Variants in OXCT1 observed in about 807,000 individuals in gnomAD.
OXCT1 encodes succinyl-CoA:3-ketoacid coenzyme A transferase 1, mitochondrial.
OXCT1 carries 27 observed loss-of-function variants against 69.6 expected under a neutral mutation model. The ratio of observed to expected loss-of-function variants is 0.39; its 90% CI spans 0.29 to 0.54. The LOEUF (loss-of-function observed/expected upper bound fraction) is 0.54. Ranked by LOEUF, OXCT1 falls within the 20% of genes least tolerant of loss-of-function variation. The pLI is 0.72. For synonymous variants in OXCT1, 202 were observed against 217.8 expected (o/e 0.93, Z 0.64); for missense variants, 437 against 650.2 (o/e 0.67, Z 3.57).
chr5:41,816,397 A>G (rs1197470066), intron 7 of OXCT1, among the ~76,000 whole-genome samples: 1 of 152,328 alleles, frequency 6.6e-6, no homozygotes, highest in Admixed American at 6.5e-5. Context: ...TCACATTTCA[A>G]CTATGACTTT....
At chr5:41,859,120 T>C (rs1297449602) in intron 3 of OXCT1, among the ~76,000 whole-genome samples, 2 of 152,358 alleles carry the variant, frequency 1.3e-5, no homozygotes, top group African/African-American at 4.8e-5. Flanking sequence ...CTACACTGTA[T>C]ATACTACTCT....
chr5:41,816,063 C>A (rs912711944), intron 7 of OXCT1, among the ~76,000 whole-genome samples: 3 of 152,158 alleles, frequency 2.0e-5, no homozygotes, highest in Admixed American at 6.5e-5. Flanking sequence ...GCTGCTAAAT[C>A]TAACAGATTT....
intron 11 of OXCT1, among the ~76,000 whole-genome samples, chr5:41,799,622 C>T (rs940253752): frequency 6.6e-6 from 1 of 152,160 alleles, no homozygotes; most frequent in African/African-American, 2.4e-5. Context: ...AAATTTGGAA[C>T]ATGCAGTTAT....
chr5:41,817,484 G>A (rs1747305817), intron 7 of OXCT1, among the ~76,000 whole-genome samples: 1 of 152,142 alleles, frequency 6.6e-6, no homozygotes, highest in Non-Finnish European at 1.5e-5. Context: ...ACATTATTGT[G>A]TAGTATCTTT....
In OXCT1 at chr5:41,731,701, CA is replaced by C; in HGVS notation, c.*27del. ...AATCTTGTGTGTTTAAAATGAAAAACACGCAGCCTGGTACAAATATCCATAT... is the reference window on the plus strand; with the variant it reads ...AATCTTGTGTGTTTAAAATGAAAAACCGCAGCCTGGTACAAATATCCATAT... On this transcript the variant is annotated 3_prime_UTR_variant, in exon 17 of 17. Transcript: ENST00000196371. 1 of 1,594,324 alleles carries C rather than the reference CA, an allele frequency of 6.3e-7. No homozygotes were observed. Among genetic ancestry groups the C allele is most frequent in the Non-Finnish European group, 8.6e-7 (1 of 1,169,108 alleles).
Position 41,870,160 on chromosome 5 carries a change from C to A in OXCT1, c.78+121G>T. On this transcript the variant is annotated intron_variant, in intron 1 of 16. Transcript: ENST00000196371. This position sits in a 1 kb window ranked among gnomAD's most constrained non-coding sequence, Gnocchi z 4.2. Reference sequence around the variant, plus strand: ...CGTGTCCGTGACCAGGGCACCGCGCCACGGATGCCAGATCCCAGGCTGGAG... The same window carrying A: ...CGTGTCCGTGACCAGGGCACCGCGCAACGGATGCCAGATCCCAGGCTGGAG... 1 of 832,418 alleles carries A rather than the reference C, an allele frequency of 1.2e-6. No homozygotes were observed. 51.6% of individuals were successfully genotyped at this position (832,418 alleles called of 1,614,324 possible).
At chr5:41,738,916 C>G (rs1743021280) in intron 16 of OXCT1, among the ~76,000 whole-genome samples, 1 of 152,154 alleles carries the variant, frequency 6.6e-6, no homozygotes, top group Admixed American at 6.5e-5. Flanking sequence ...CTGGTGATGT[C>G]AGAGGCCCAA....
chr5:41,781,670 C>T (rs918539521), intron 13 of OXCT1, among the ~76,000 whole-genome samples: 3 of 152,114 alleles, frequency 2.0e-5, no homozygotes, highest in Admixed American at 1.3e-4. Context: ...GTGTTTTCAT[C>T]GTTCAGCTCC....
At chr5:41,741,854 T>A (rs569989166) in intron 15 of OXCT1, among the ~76,000 whole-genome samples, 6 of 152,312 alleles carry the variant, frequency 3.9e-5, no homozygotes, top group Admixed American at 3.9e-4. Context: ...AAAAAATAAA[T>A]GGATAATTTA....
intron 10 of OXCT1, 114 bp from the exon 11 acceptor site, chr5:41,801,184 C>G: frequency 1.2e-6 from 1 of 840,114 alleles, no homozygotes; most frequent in South Asian, 1.5e-5. Flanking sequence ...CATCCGAAGA[C>G]TTGAGGTAAA....
intron 13 of OXCT1, among the ~76,000 whole-genome samples, chr5:41,790,278 A>G (rs558152191): frequency 1.4e-4 from 22 of 152,310 alleles, no homozygotes; most frequent in African/African-American, 5.3e-4. Flanking sequence ...CTGTTCTCCA[A>G]AAATAGGCAT....
intron 13 of OXCT1, among the ~76,000 whole-genome samples, chr5:41,781,196 G>A (rs1302982943): frequency 2.0e-5 from 3 of 151,860 alleles, no homozygotes; most frequent in Non-Finnish European, 4.4e-5. Flanking sequence ...AGCCACCAAG[G>A]CCGGCTTACT....
At chr5:41,815,758 C>A (rs1747210650) in intron 7 of OXCT1, among the ~76,000 whole-genome samples, 1 of 151,944 alleles carries the variant, frequency 6.6e-6, no homozygotes, top group Admixed American at 6.6e-5. Flanking sequence ...AACAGGGAGA[C>A]ATAATATAAT....
In OXCT1 at chr5:41,850,070, T is replaced by C. The variant is rs764235078; in HGVS notation, c.524A>G (p.Asn175Ser). 1.2e-6 allele frequency: 2 copies of C among 1,614,006 alleles called. No homozygotes were observed. Among genetic ancestry groups the C allele is most frequent in the Non-Finnish European group, 1.7e-6 (2 of 1,179,904 alleles). ...GGCAATGGCAACACTGCCATCTTTGTTGTATTTGATGGGCGATCCTCCTTC... is the reference window on the plus strand; with the variant it reads ...GGCAATGGCAACACTGCCATCTTTGCTGTATTTGATGGGCGATCCTCCTTC... ...VQEGGSPIKY[N>S]KDGSVAIASK... is the part of the protein sequence containing the mutation. The change falls in exon 5 of 17, where the codon AAC (asparagine) becomes AGC (serine). Residue 175 changes from asparagine to serine, a missense_variant. Transcript: ENST00000196371.
intron 5 of OXCT1, among the ~76,000 whole-genome samples, chr5:41,844,655 C>A (rs1252240843): frequency 6.6e-6 from 1 of 152,032 alleles, no homozygotes; most frequent in Non-Finnish European, 1.5e-5. Context: ...TCACTAAGCA[C>A]CTCCTCTTGG....
intron 7 of OXCT1, among the ~76,000 whole-genome samples, chr5:41,827,114 G>T (rs976678758): frequency 6.6e-6 from 1 of 152,056 alleles, no homozygotes; most frequent in African/African-American, 2.4e-5. Context: ...TCATTGGTCT[G>T]CCCCTTTATG....
At chr5:41,781,459 T>G (rs752041600) in intron 13 of OXCT1, among the ~76,000 whole-genome samples, 1 of 152,060 alleles carries the variant, frequency 6.6e-6, no homozygotes, top group Non-Finnish European at 1.5e-5. Context: ...CCCTTCAACT[T>G]TTATTTTAAG....
intron 7 of OXCT1, among the ~76,000 whole-genome samples, chr5:41,807,693 T>C (rs1312574057): frequency 6.6e-6 from 1 of 152,030 alleles, no homozygotes; most frequent in African/African-American, 2.4e-5. Flanking sequence ...AGTTAGTCTT[T>C]GCTTAAAAGA....
chr5:41,864,326 C>A (rs1280059412), intron 1 of OXCT1, among the ~76,000 whole-genome samples: 1 of 152,172 alleles, frequency 6.6e-6, no homozygotes. Context: ...CAGACAGACA[C>A]AACCTGAAGT....
Sources: allele counts gnomAD v4.1 joint callset (sites outside exome capture counted in the v4.1 genomes callset), GRCh38; gene constraint gnomAD v4.1.1; non-coding constraint Gnocchi (gnomAD v3.1); transcripts MANE v1.5; gene names NCBI Gene and HGNC (gene_info 2026-07-23, HGNC 2026-07-21).